The following TAB2 variants were observed in gnomAD, a reference collection of about 807,000 sequenced individuals.
TAB2 encodes the protein TGF-beta-activated kinase 1 and MAP3K7-binding protein 2.
Under a neutral mutation model 65.0 loss-of-function variants are expected in TAB2, and 3 were observed. The ratio of observed to expected loss-of-function variants is 0.05; its 90% CI spans 0.02 to 0.12. The LOEUF (loss-of-function observed/expected upper bound fraction) is 0.12, where lower values mean the gene tolerates loss of function less well. TAB2 is among the 10% of genes least tolerant of loss of function. TAB2 has a pLI of 1.00. For missense variants in TAB2, 623 were observed against 840.3 expected (o/e 0.74, Z 3.20); for synonymous variants, 298 against 285.1 (o/e 1.05, Z -0.46).
At chr6:149,316,609 C>T (rs1339749290), upstream of TAB2, among the ~76,000 whole-genome samples, 1 of 149,424 alleles carries the variant, frequency 6.7e-6, no homozygotes, top group East Asian at 2.0e-4. Flanking sequence ...TTGTGAGAAA[C>T]GTCTGAGTAT....
intron 1 of TAB2, among the ~76,000 whole-genome samples, chr6:149,275,131 T>G (rs1447440403): frequency 3.3e-5 from 4 of 119,700 alleles, no homozygotes; most frequent in Non-Finnish European, 5.0e-5. Flanking sequence ...TTCTGTTTTT[T>G]TTTTTTTTTT....
chr6:149,283,559 A>G (rs923787353), intron 1 of TAB2, among the ~76,000 whole-genome samples: 5 of 152,074 alleles, frequency 3.3e-5, no homozygotes, highest in Non-Finnish European at 4.4e-5. Flanking sequence ...AAAATACAAA[A>G]ATTAGCCAGG....
intron 1 of TAB2, among the ~76,000 whole-genome samples, chr6:149,307,966 T>C (rs140431780): frequency 6.6e-6 from 1 of 152,316 alleles, no homozygotes; most frequent in African/African-American, 2.4e-5. Flanking sequence ...AATGGGATCA[T>C]AGTATTTTTG....
chr6:149,318,275 G>GT (rs1282704666), intron 1 of TAB2, among the ~76,000 whole-genome samples: 4 of 151,834 alleles, frequency 2.6e-5, no homozygotes, highest in South Asian at 4.2e-4. Flanking sequence ...CGTCCGTGCG[G>GT]GGGGGGAGGG....
chr6:149,393,242 ACT>A (rs1031979804), intron 3 of TAB2, among the ~76,000 whole-genome samples: 1 of 152,174 alleles, frequency 6.6e-6, no homozygotes, highest in African/African-American at 2.4e-5. Flanking sequence ...AGTCATTATA[ACT>A]CTAAAATTTT....
At chr6:149,364,012 TTCA>T (rs1318922223) in intron 1 of TAB2, among the ~76,000 whole-genome samples, 1 of 152,196 alleles carries the variant, frequency 6.6e-6, no homozygotes, top group Non-Finnish European at 1.5e-5. Context: ...CAATTTCTAA[TTCA>T]TCACCAAATT....
At chr6:149,343,401 G>C (rs1006696486) in intron 1 of TAB2, among the ~76,000 whole-genome samples, 1 of 151,600 alleles carries the variant, frequency 6.6e-6, no homozygotes, top group African/African-American at 2.4e-5. Flanking sequence ...AACTGAGGGA[G>C]TCGGAGGTTG....
intron 1 of TAB2, among the ~76,000 whole-genome samples, chr6:149,328,793 T>C (rs1779693734): frequency 6.6e-6 from 1 of 152,078 alleles, no homozygotes; most frequent in African/African-American, 2.4e-5. Flanking sequence ...TAGGAATCCA[T>C]AGGAGGTAGT....
intron 1 of TAB2, among the ~76,000 whole-genome samples, chr6:149,248,140 C>T (rs1223655506): frequency 3.9e-5 from 6 of 152,172 alleles, no homozygotes; most frequent in Admixed American, 3.9e-4. Context: ...GCCTGTAATC[C>T]CAGCACTTTG....
chr6:149,315,361 G>A (rs911216384), upstream of TAB2, among the ~76,000 whole-genome samples: 10 of 152,068 alleles, frequency 6.6e-5, no homozygotes, highest in Non-Finnish European at 4.4e-5. Context: ...TCTTCTTTCT[G>A]TATATGTGTG....
intron 1 of TAB2, among the ~76,000 whole-genome samples, chr6:149,306,410 T>C (rs551983): frequency 0.41 from 62,577 of 150,998 alleles, 14,872 homozygotes; most frequent in African/African-American, 0.67. Flanking sequence ...ATTAGCAGGG[T>C]GTGGTGGCGG....
chr6:149,356,324 C>T lies in TAB2; in HGVS notation c.-89-13585C>T, dbSNP rs571204529. On this transcript the variant is annotated intron_variant, in intron 1 of 6. Coordinates refer to ENST00000637181, the MANE Select transcript of TAB2 (RefSeq NM_001292034.3). Reference sequence around the variant, plus strand: ...GTGAGACTCAACTTCATTTTATACACGTAGATGTGGATTGTCAAAATGAGC... The same window carrying T: ...GTGAGACTCAACTTCATTTTATACATGTAGATGTGGATTGTCAAAATGAGC... Among the ~76,000 whole-genome samples, 36 of 152,212 alleles carry T rather than the reference C, an allele frequency of 2.4e-4. 1 individual carries two copies. The South Asian group carries it at 6.4e-3, about 27-fold the overall frequency.
intron 1 of TAB2, among the ~76,000 whole-genome samples, chr6:149,237,426 C>T (rs770174062): frequency 2.5e-4 from 38 of 152,164 alleles, no homozygotes; most frequent in Non-Finnish European, 4.0e-4. Context: ...TTCTCCAGCT[C>T]TGGCCTCCTC....
intron 1 of TAB2, among the ~76,000 whole-genome samples, chr6:149,275,240 GAAAGA>G (rs1562396932): frequency 1.2e-5 from 1 of 81,828 alleles, no homozygotes; most frequent in Non-Finnish European, 2.7e-5. Flanking sequence ...GAGAGAGAAA[GAAAGA>G]AAGAAAGAAA....
At chr6:149,309,881 T>TGG (rs879697300) in intron 1 of TAB2, among the ~76,000 whole-genome samples, 36 of 106,314 alleles carry the variant, frequency 3.4e-4, no homozygotes, top group East Asian at 2.6e-3. Flanking sequence ...TGTGTGGGTG[T>TGG]GGGTGTGTGT....
At chr6:149,256,127 A>G (rs1778027481) in intron 1 of TAB2, among the ~76,000 whole-genome samples, 1 of 152,238 alleles carries the variant, frequency 6.6e-6, no homozygotes, top group South Asian at 2.1e-4. Flanking sequence ...TATTAAAAAG[A>G]AGGAAAGTTA....
At chr6:149,270,176 T>C (rs1487941700) in intron 1 of TAB2, among the ~76,000 whole-genome samples, 2 of 152,222 alleles carry the variant, frequency 1.3e-5, no homozygotes, top group Non-Finnish European at 2.9e-5. Context: ...TTGATTTGCA[T>C]TTCCCTAATT....
rs1346396955 is a variant in TAB2, at chr6:149,400,961, A to AT, written c.1939+1778dup. The AT allele has an allele frequency of 1.5e-5, 6 of 392,504 alleles. No individual in the cohort carries two copies. In the East Asian group the frequency reaches 2.8e-4, roughly 18 times the overall value. 24.3% of individuals were successfully genotyped at this position (392,504 alleles called of 1,614,324 possible). On this transcript the variant is annotated intron_variant, in intron 6 of 6. Transcript: ENST00000637181. Reference sequence around the variant, plus strand: ...GGGAAAAAATACTGATTCTGTGAAAATACCCCCTTTATCCATTAGTGGCAT... The same window carrying AT: ...GGGAAAAAATACTGATTCTGTGAAAATTACCCCCTTTATCCATTAGTGGCAT...
chr6:149,380,766 T>C (rs73614916), intron 3 of TAB2, among the ~76,000 whole-genome samples: 1,790 of 152,316 alleles, frequency 0.012, 32 homozygotes, highest in African/African-American at 0.041. Context: ...TCAGGCAGCA[T>C]GCAGCCCCTA....
Sources: allele counts gnomAD v4.1 joint callset (sites outside exome capture counted in the v4.1 genomes callset), GRCh38; gene constraint gnomAD v4.1.1; transcripts MANE v1.5; gene names NCBI Gene and HGNC (gene_info 2026-07-23, HGNC 2026-07-21).